Variants in SNTB1 observed in about 807,000 individuals in gnomAD.
SNTB1 encodes beta-1-syntrophin.
Under a neutral mutation model 48.9 loss-of-function variants are expected in SNTB1, and 36 were observed. The observed-to-expected ratio is 0.74, with a 90% CI of 0.56 to 0.97. The LOEUF (loss-of-function observed/expected upper bound fraction) is 0.97, where lower values mean the gene tolerates loss of function less well. Ranked by LOEUF, SNTB1 falls within the 50% of genes least tolerant of loss-of-function variation. The pLI is 0.00. For missense variants in SNTB1, 786 were observed against 703.4 expected (o/e 1.12, Z -1.33); for synonymous variants, 299 against 294.6 (o/e 1.01, Z -0.15).
At chr8:120,622,161 G>A (rs1019966872) in intron 3 of SNTB1, among the ~76,000 whole-genome samples, 3 of 152,140 alleles carry the variant, frequency 2.0e-5, no homozygotes, top group African/African-American at 7.2e-5. Flanking sequence ...CTCTCTCTCT[G>A]AATCACTGTG....
At chr8:120,695,703 A>G (rs1233513851) in intron 1 of SNTB1, among the ~76,000 whole-genome samples, 3 of 152,210 alleles carry the variant, frequency 2.0e-5, no homozygotes, top group Admixed American at 2.0e-4. Flanking sequence ...ATATACCCAG[A>G]TGCATGTAAT....
At chr8:120,734,772 T>A (rs1818914792) in intron 1 of SNTB1, among the ~76,000 whole-genome samples, 2 of 152,228 alleles carry the variant, frequency 1.3e-5, no homozygotes, top group South Asian at 4.1e-4. Flanking sequence ...ATCTATGTCA[T>A]GTGGCCAGCA....
chr8:120,637,811 G>A (rs569541932), intron 2 of SNTB1: 298 of 311,786 alleles, frequency 9.6e-4, no homozygotes, highest in Non-Finnish European at 1.4e-3. Context: ...TTGATTTCAA[G>A]TTGCTCTGTC....
intron 3 of SNTB1, among the ~76,000 whole-genome samples, chr8:120,611,678 C>T (rs575415092): frequency 4.6e-5 from 7 of 151,790 alleles, no homozygotes; most frequent in Non-Finnish European, 5.9e-5. Context: ...AAAAATTAGC[C>T]GGGCGTGGTG....
At chr8:120,670,361 C>T (rs6994785) in intron 2 of SNTB1, among the ~76,000 whole-genome samples, 9,524 of 152,168 alleles carry the variant, frequency 0.063, 952 homozygotes, top group African/African-American at 0.21. Context: ...CGTCTTCATA[C>T]GGCAAGGGCT....
intron 1 of SNTB1, among the ~76,000 whole-genome samples, chr8:120,713,287 G>T (rs1464206090): frequency 6.6e-6 from 1 of 152,124 alleles, no homozygotes; most frequent in Non-Finnish European, 1.5e-5. Context: ...GCATCTTTCA[G>T]TCTGGATGAA....
chr8:120,693,212 C>G (rs1020019069), intron 2 of SNTB1, among the ~76,000 whole-genome samples: 4 of 152,158 alleles, frequency 2.6e-5, no homozygotes, highest in Non-Finnish European at 5.9e-5. Context: ...CCCCCATGAC[C>G]CAAACACCTC....
intron 4 of SNTB1, among the ~76,000 whole-genome samples, chr8:120,557,633 C>CAAT: frequency 6.6e-6 from 1 of 152,172 alleles, no homozygotes; most frequent in Non-Finnish European, 1.5e-5. Flanking sequence ...CCTCTGTATT[C>CAAT]CCACACATCA....
intron 2 of SNTB1, among the ~76,000 whole-genome samples, chr8:120,692,837 T>A (rs7004878): frequency 0.44 from 66,468 of 152,150 alleles, 17,725 homozygotes; most frequent in East Asian, 0.73. Context: ...ATATTACTAT[T>A]GCTTATATTC....
intron 2 of SNTB1, among the ~76,000 whole-genome samples, chr8:120,687,708 T>A (rs750523646): frequency 1.1e-4 from 17 of 152,242 alleles, no homozygotes; most frequent in Non-Finnish European, 2.4e-4. Flanking sequence ...TTATTAATAC[T>A]TAGTGTTCTG....
At chr8:120,614,734 C>T (rs917391988) in intron 3 of SNTB1, among the ~76,000 whole-genome samples, 2 of 152,120 alleles carry the variant, frequency 1.3e-5, no homozygotes, top group Admixed American at 6.5e-5. Flanking sequence ...TCGTAAAGCA[C>T]CTCTCTGAGG....
chr8:120,756,155 C>T (rs1819314125), intron 1 of SNTB1, among the ~76,000 whole-genome samples: 1 of 152,168 alleles, frequency 6.6e-6, no homozygotes, highest in Non-Finnish European at 1.5e-5. Flanking sequence ...ACCCTTCTAC[C>T]TCCAACATCA....
At chr8:120,727,994 G>T (rs1239370177) in intron 1 of SNTB1, among the ~76,000 whole-genome samples, 3 of 152,028 alleles carry the variant, frequency 2.0e-5, no homozygotes, top group African/African-American at 7.3e-5. Context: ...CGTTGCCTTT[G>T]TGATTTATTT....
intron 1 of SNTB1, among the ~76,000 whole-genome samples, chr8:120,783,576 A>T (rs1016708376): frequency 2.0e-5 from 3 of 152,066 alleles, no homozygotes; most frequent in Non-Finnish European, 4.4e-5. Context: ...TCTTCCTCCA[A>T]CTTGCCCTGA....
Position 120,709,913 on chromosome 8 carries a change from TA to T in SNTB1, c.572-16006del, listed in dbSNP as rs200559873. ...TGATATATGTAAAGTGTCTGGTATT[TA>T]AAAAAAAAAAGGTATGCCATAAATA... is the stretch of plus-strand genomic sequence containing the variant. On this transcript the variant is annotated intron_variant, in intron 1 of 6. Transcript: ENST00000517992. Among the ~76,000 whole-genome samples the T allele has an allele frequency of 7.9e-3, 1,161 of 146,396 alleles. 48 individuals carry two copies. In the South Asian group the frequency reaches 0.12, roughly 15 times the overall value.
intron 1 of SNTB1, among the ~76,000 whole-genome samples, chr8:120,794,490 T>C (rs962030592): frequency 6.7e-6 from 1 of 149,228 alleles, no homozygotes; most frequent in African/African-American, 2.5e-5. Flanking sequence ...TATATATATA[T>C]ATACACACAC....
At chr8:120,544,841 G>C (rs1231598943) in intron 5 of SNTB1, among the ~76,000 whole-genome samples, 5 of 119,222 alleles carry the variant, frequency 4.2e-5, no homozygotes, top group Admixed American at 1.0e-4. Flanking sequence ...AAAAATAAAA[G>C]CTTCCAAGAT....
chr8:120,709,501 T>C (rs545547021), intron 1 of SNTB1, among the ~76,000 whole-genome samples: 14 of 152,334 alleles, frequency 9.2e-5, no homozygotes, highest in African/African-American at 3.1e-4. Flanking sequence ...AGATGTTTCA[T>C]GACAATTGTA....
intron 1 of SNTB1, among the ~76,000 whole-genome samples, chr8:120,747,882 C>T (rs985296123): frequency 6.6e-6 from 1 of 152,136 alleles, no homozygotes; most frequent in African/African-American, 2.4e-5. Flanking sequence ...TGTATATACA[C>T]ACAAAATAGT....
Sources: allele counts gnomAD v4.1 joint callset (sites outside exome capture counted in the v4.1 genomes callset), GRCh38; gene constraint gnomAD v4.1.1; transcripts MANE v1.5; gene names NCBI Gene and HGNC (gene_info 2026-07-23, HGNC 2026-07-21).